Variants in FRMPD4 observed in about 807,000 individuals in gnomAD.
FRMPD4 encodes the protein FERM and PDZ domain-containing protein 4.
In FRMPD4, 22 loss-of-function variants were observed where a neutral mutation model predicts 94.1. The observed-to-expected ratio is 0.23, with a 90% CI of 0.17 to 0.33. The LOEUF is 0.33. Ranked by LOEUF, FRMPD4 falls within the 10% of genes least tolerant of loss-of-function variation. FRMPD4 has a pLI of 1.00. For synonymous variants in FRMPD4, 631 were observed against 548.6 expected, an observed-to-expected ratio of 1.15 and a Z score of -2.10; for missense variants, 1,111 against 1,339.9, an observed-to-expected ratio of 0.83 and a Z score of 2.67.
Position 12,112,293 on chromosome X carries a change from C to A in FRMPD4, c.95+234275C>A, listed in dbSNP as rs778089176. Among the ~76,000 whole-genome samples the A allele has an allele frequency of 5.4e-3, 605 of 111,345 alleles. 4 individuals carry two copies. Among genetic ancestry groups the A allele is most frequent in the African/African-American group, 0.018 (563 of 30,598 alleles). ...GGACATGGATGAAGCTGGAAACCATCATTCTCAGCAAACTATCGCAAGGAC... is the reference window on the plus strand; with the variant it reads ...GGACATGGATGAAGCTGGAAACCATAATTCTCAGCAAACTATCGCAAGGAC... On this transcript the variant is annotated intron_variant, in intron 3 of 18. Coordinates refer to the FRMPD4 transcript ENST00000640291.
At chrX:12,055,412 AAC>A (rs940426799) in intron 3 of FRMPD4, among the ~76,000 whole-genome samples, 2 of 110,769 alleles carry the variant, frequency 1.8e-5, no homozygotes, top group African/African-American at 6.6e-5. Context: ...CCAGTTGTTT[AAC>A]AGTGTGTGGC....
intron 1 of FRMPD4, among the ~76,000 whole-genome samples, chrX:11,856,447 CA>C (rs2053654253): frequency 9.0e-6 from 1 of 111,459 alleles, no homozygotes; most frequent in Non-Finnish European, 1.9e-5. Context: ...GGAATAAAGA[CA>C]AAAATCACAC....
intron 11 of FRMPD4, 53 bp from the exon 12 acceptor site, chrX:12,706,773 A>T: frequency 1.6e-6 from 1 of 632,512 alleles, no homozygotes; most frequent in African/African-American, 2.2e-5. Flanking sequence ...CTCCAGCTGA[A>T]ATGGAGTCAT....
chrX:12,433,385 G>A (rs1341544127), intron 1 of FRMPD4, among the ~76,000 whole-genome samples: 5 of 112,211 alleles, frequency 4.5e-5, no homozygotes, highest in African/African-American at 1.6e-4. Context: ...TTGCTGGTAA[G>A]GAGAAATTAC....
At position 12,647,244 on chromosome X, in the gene FRMPD4, G is replaced by A. The variant is rs12156795; in HGVS notation, c.423-27619G>A. ...TGTGTGTGTATAGATAATCTAGGGC[G>A]TGATCCCAGGAAACACCAGCCAGAG... On this transcript the variant is annotated intron_variant, in intron 4 of 16. Coordinates refer to ENST00000675598, the MANE Select transcript of FRMPD4 (RefSeq NM_001368397.1). Among the ~76,000 whole-genome samples, 955 of 111,756 alleles carry A rather than the reference G, an allele frequency of 8.5e-3. 7 individuals are homozygous for A. The highest frequency in any genetic ancestry group is 0.014 in the Non-Finnish European group (750 of 53,125).
intron 1 of FRMPD4, among the ~76,000 whole-genome samples, chrX:12,386,204 A>G (rs1276434632): frequency 8.9e-6 from 1 of 112,623 alleles, no homozygotes; most frequent in African/African-American, 3.2e-5. Flanking sequence ...GAAGGAGCTC[A>G]GTGCAGCTGA....
chrX:12,374,706 C>T (rs1012511031), intron 1 of FRMPD4, among the ~76,000 whole-genome samples: 2 of 111,377 alleles, frequency 1.8e-5, no homozygotes, highest in East Asian at 2.8e-4. Flanking sequence ...GGTCGGATCC[C>T]ATCTTTATAT....
chrX:12,014,694 G>A (rs187566052), intron 3 of FRMPD4, among the ~76,000 whole-genome samples: 36 of 111,835 alleles, frequency 3.2e-4, no homozygotes, highest in Admixed American at 2.7e-3. Context: ...TATACATACT[G>A]GAGTGTGTGT....
At chrX:11,847,325 C>T (rs1226246287) in intron 1 of FRMPD4, among the ~76,000 whole-genome samples, 78 of 105,889 alleles carry the variant, frequency 7.4e-4, no homozygotes, top group Admixed American at 2.6e-3. Context: ...ATCAAAACCA[C>T]AATGAGATAC....
chrX:12,550,336 G>A (rs1389129829), intron 2 of FRMPD4, among the ~76,000 whole-genome samples: 1 of 81,504 alleles, frequency 1.2e-5, no homozygotes, highest in East Asian at 3.5e-4. Context: ...GTTGAATATG[G>A]AAAATAACCA....
intron 3 of FRMPD4, among the ~76,000 whole-genome samples, chrX:11,951,480 C>T (rs758370910): frequency 2.5e-4 from 28 of 111,748 alleles, no homozygotes; most frequent in Non-Finnish European, 5.1e-4. Context: ...CCTTAGCAAA[C>T]TAACGTGGGA....
intron 2 of FRMPD4, among the ~76,000 whole-genome samples, chrX:12,543,530 C>T (rs1485776213): frequency 1.1e-4 from 12 of 112,077 alleles, no homozygotes; most frequent in African/African-American, 3.9e-4. Context: ...CAAATCAAAA[C>T]CACAATGAGA....
At chrX:12,023,505 A>G (rs1027242752) in intron 3 of FRMPD4, among the ~76,000 whole-genome samples, 1 of 111,520 alleles carries the variant, frequency 9.0e-6, no homozygotes, top group African/African-American at 3.3e-5. Context: ...CTAAGTTACC[A>G]TTGCTTGTAA....
intron 1 of FRMPD4, among the ~76,000 whole-genome samples, chrX:12,331,193 G>A (rs944466589): frequency 9.2e-6 from 1 of 108,485 alleles, no homozygotes; most frequent in African/African-American, 3.4e-5. Flanking sequence ...ATATTGTTAA[G>A]GGCTGTGCAA....
intron 3 of FRMPD4, among the ~76,000 whole-genome samples, chrX:12,056,492 CT>C (rs1439199900): frequency 9.0e-6 from 1 of 111,267 alleles, no homozygotes; most frequent in African/African-American, 3.3e-5. Context: ...TTATGGCTGG[CT>C]TTTGGAAAAG....
intron 2 of FRMPD4, among the ~76,000 whole-genome samples, chrX:11,874,502 A>G (rs966785699): frequency 1.8e-5 from 2 of 112,377 alleles, no homozygotes; most frequent in African/African-American, 6.5e-5. Flanking sequence ...TAAGTAATCT[A>G]GCGATGATTT....
chrX:12,720,606 C>A lies in FRMPD4; in HGVS notation c.4037C>A (p.Pro1346His), dbSNP rs2042220417. Residue 1346 changes from proline to histidine, a missense_variant, in exon 17 of 17, where the codon CCC becomes CAC. By Grantham distance (77) the Pro-to-His change is moderately conservative. Around this residue, in one of 8 missense-constraint regions of FRMPD4, gnomAD observed 551 missense variants for 591.6 expected, o/e 0.93. Transcript: ENST00000675598. ...SAWSQHPEAD[P>H]ILLPSNIHSE... is the part of the protein sequence containing the mutation. Reference sequence around the variant, plus strand: ...TGGTCTCAACATCCTGAAGCTGATCCCATCCTGCTACCATCAAACATTCAC... The same window carrying A: ...TGGTCTCAACATCCTGAAGCTGATCACATCCTGCTACCATCAAACATTCAC... 8.4e-7 allele frequency: 1 copy of A among 1,193,802 alleles called. No homozygotes were observed. Among genetic ancestry groups the A allele is most frequent in the Admixed American group, 2.3e-5 (1 of 43,853 alleles).
chrX:12,478,670 T>C (rs2057634559), intron 1 of FRMPD4, among the ~76,000 whole-genome samples: 1 of 111,952 alleles, frequency 8.9e-6, no homozygotes, highest in African/African-American at 3.2e-5. Flanking sequence ...GAAGCAGTTT[T>C]TTAAAAAAGT....
At chrX:12,446,488 A>C (rs2057196340) in intron 1 of FRMPD4, among the ~76,000 whole-genome samples, 1 of 112,011 alleles carries the variant, frequency 8.9e-6, no homozygotes, top group Non-Finnish European at 1.9e-5. Context: ...ATAATCAAAG[A>C]GGCTCTCATC....
Sources: gnomAD v4.1 joint callset for allele counts (sites outside exome capture counted in the v4.1 genomes callset) on GRCh38, gnomAD v4.1.1 for gene constraint, gnomAD v4.1.1 regional missense constraint, MANE v1.5 for transcripts, NCBI Gene and HGNC (gene_info 2026-07-23, HGNC 2026-07-21) for gene names.